Variants in EYS observed in about 807,000 individuals in gnomAD.
EYS encodes the protein protein eyes shut homolog.
EYS carries 250 observed loss-of-function variants against 282.1 expected under a neutral mutation model. That is an observed-to-expected ratio of 0.89 (90% CI 0.80 to 0.98). The LOEUF is 0.98. Among genes scored for constraint, EYS ranks in the 50% least tolerant of loss-of-function variants. The probability of loss-of-function intolerance (pLI) is 0.00; values close to 1 mark genes in which losing one functional copy is unlikely to be tolerated. For synonymous variants in EYS, 1,355 were observed against 1,282.9 expected (o/e 1.06, Z -1.20); for missense variants, 4,016 against 3,709.0 (o/e 1.08, Z -2.15).
chr6:64,071,493 AAT>A (rs1270796565), intron 32 of EYS, among the ~76,000 whole-genome samples: 4 of 149,686 alleles, frequency 2.7e-5, no homozygotes, highest in Non-Finnish European at 5.9e-5. Context: ...AACTTGTTAT[AAT>A]ATCTCACCAG....
intron 26 of EYS, among the ~76,000 whole-genome samples, chr6:64,479,993 T>C (rs1776387573): frequency 6.6e-6 from 1 of 151,894 alleles, no homozygotes; most frequent in African/African-American, 2.4e-5. Context: ...GCATTCAGAT[T>C]GGTGTGAAAA....
At position 63,863,663 on chromosome 6, in the gene EYS, C is replaced by CTTTTTTTT. The variant is rs1436358110; in HGVS notation, c.7228+522_7228+523insAAAAAAAA. ...TTTTTCTTTTCTTTTCTTTTCTTTT[C>CTTTTTTTT]TTTTCTTTTTTCTTTTTTTTTTTTT... is the stretch of plus-strand genomic sequence containing the variant. On this transcript the variant is annotated intron_variant, in intron 36 of 42. Coordinates refer to ENST00000503581, the MANE Select transcript of EYS (RefSeq NM_001142800.2). 9.0e-5 allele frequency among the ~76,000 whole-genome samples: 5 copies of CTTTTTTTT among 55,792 alleles called. 2 individuals are homozygous for CTTTTTTTT. Among genetic ancestry groups the CTTTTTTTT allele is most frequent in the Non-Finnish European group, 3.8e-5 (1 of 26,222 alleles). 36.6% of individuals were successfully genotyped at this position (55,792 alleles called of 152,430 possible).
intron 12 of EYS, among the ~76,000 whole-genome samples, chr6:65,268,041 A>G (rs950764601): frequency 1.3e-5 from 2 of 151,996 alleles, no homozygotes; most frequent in Admixed American, 1.3e-4. Context: ...TTGCTAATGT[A>G]ATAGGCAATT....
At chr6:65,173,848 T>C (rs749255275) in intron 12 of EYS, among the ~76,000 whole-genome samples, 1 of 151,298 alleles carries the variant, frequency 6.6e-6, no homozygotes, top group Non-Finnish European at 1.5e-5. Context: ...TGAAATTTAG[T>C]TGCATAGTAA....
At chr6:64,477,727 T>C (rs1280389842) in intron 26 of EYS, among the ~76,000 whole-genome samples, 1 of 152,100 alleles carries the variant, frequency 6.6e-6, no homozygotes, top group Non-Finnish European at 1.5e-5. Flanking sequence ...TAGGGGCCAA[T>C]GAGCCAGCTG....
chr6:65,399,847 A>G (rs564517502), intron 7 of EYS, among the ~76,000 whole-genome samples: 7 of 152,102 alleles, frequency 4.6e-5, no homozygotes, highest in Non-Finnish European at 7.4e-5. Context: ...TCTCCTTTTA[A>G]TCCTTTCAGC....
intron 22 of EYS, among the ~76,000 whole-genome samples, chr6:64,804,923 ACTT>A (rs1339851013): frequency 6.6e-6 from 1 of 152,028 alleles, no homozygotes; most frequent in Non-Finnish European, 1.5e-5. Context: ...ATTTATAAGA[ACTT>A]CTGAAGGAAA....
chr6:65,488,491 G>T lies in EYS; in HGVS notation c.862+2103C>A, dbSNP rs533843899. 2.0e-5 allele frequency among the ~76,000 whole-genome samples: 3 copies of T among 152,164 alleles called. No individual in the cohort carries two copies. In the East Asian group the frequency reaches 5.8e-4, roughly 29 times the overall value. ...GAAATAAGAGAGGACACAAACAAAT[G>T]GAAAAACATTCCATGTTCATGGATA... On this transcript the variant is annotated intron_variant, in intron 5 of 42. Coordinates refer to ENST00000503581, the MANE Select transcript of EYS (RefSeq NM_001142800.2).
chr6:64,068,053 T>C lies in EYS; in HGVS notation c.6572-1562A>G, dbSNP rs567432739. On this transcript the variant is annotated intron_variant, in intron 32 of 42. Coordinates refer to ENST00000503581, the MANE Select transcript of EYS (RefSeq NM_001142800.2). ...GTCAGAAAGTATAAATATGATTAAC[T>C]TTAGTAGCTATTGCCAGTTTTCCAA... 5.9e-5 allele frequency among the ~76,000 whole-genome samples: 9 copies of C among 152,262 alleles called. No individual in the cohort carries two copies. In the East Asian group the frequency reaches 1.5e-3, roughly 26 times the overall value.
chr6:65,566,649 C>G (rs998310184), intron 2 of EYS, among the ~76,000 whole-genome samples: 7 of 152,036 alleles, frequency 4.6e-5, no homozygotes, highest in Admixed American at 1.3e-4. Flanking sequence ...AACAAACAAA[C>G]AAAAACCTCT....
chr6:65,652,425 G>C (rs749317262), intron 1 of EYS, among the ~76,000 whole-genome samples: 61 of 151,910 alleles, frequency 4.0e-4, no homozygotes, highest in Non-Finnish European at 1.3e-4. Context: ...GAGACAGGAA[G>C]AGAAAGAAAA....
intron 12 of EYS, among the ~76,000 whole-genome samples, chr6:65,064,459 T>C (rs991148674): frequency 6.8e-6 from 1 of 146,310 alleles, no homozygotes; most frequent in Admixed American, 7.0e-5. Context: ...CTGTATATGA[T>C]ATGATATATA....
intron 14 of EYS, among the ~76,000 whole-genome samples, chr6:64,992,391 C>A (rs938320607): frequency 2.0e-5 from 3 of 151,682 alleles, no homozygotes; most frequent in Admixed American, 6.6e-5. Flanking sequence ...GTTCTCTAAG[C>A]TTACAAGTTG....
chr6:65,462,851 C>T (rs1938169187), intron 5 of EYS, among the ~76,000 whole-genome samples: 1 of 152,008 alleles, frequency 6.6e-6, no homozygotes, highest in South Asian at 2.1e-4. Context: ...TTAACATGTA[C>T]ACATTTCATT....
intron 26 of EYS, among the ~76,000 whole-genome samples, chr6:64,512,446 C>T (rs551370573): frequency 1.8e-4 from 28 of 151,878 alleles, no homozygotes; most frequent in Middle Eastern, 3.4e-3. Flanking sequence ...ACAATGAAGA[C>T]GGTAATCATC....
intron 12 of EYS, among the ~76,000 whole-genome samples, chr6:65,259,926 G>C (rs768536459): frequency 6.6e-6 from 1 of 152,106 alleles, no homozygotes; most frequent in Non-Finnish European, 1.5e-5. Flanking sequence ...CATCTGTAAA[G>C]TGAAGTGGTT....
chr6:65,457,672 T>TA (rs202202204), intron 5 of EYS, among the ~76,000 whole-genome samples: 172 of 151,596 alleles, frequency 1.1e-3, no homozygotes, highest in Middle Eastern at 3.4e-3. Context: ...CTCTGACGAA[T>TA]AAAAAAAAAT....
At chr6:65,343,250 A>T (rs553535354) in intron 10 of EYS, among the ~76,000 whole-genome samples, 1 of 151,326 alleles carries the variant, frequency 6.6e-6, no homozygotes, top group Non-Finnish European at 1.5e-5. Flanking sequence ...AAATTGATAC[A>T]TTAATAAAGA....
At chr6:64,710,514 G>A (rs140584374) in intron 22 of EYS, among the ~76,000 whole-genome samples, 187 of 152,308 alleles carry the variant, frequency 1.2e-3, no homozygotes, top group African/African-American at 4.4e-3. Context: ...ACCTGGAATT[G>A]GGCCCTTGAG....
Sources: gnomAD v4.1 joint callset for allele counts (sites outside exome capture counted in the v4.1 genomes callset) on GRCh38, gnomAD v4.1.1 for gene constraint, MANE v1.5 for transcripts, NCBI Gene and HGNC (gene_info 2026-07-23, HGNC 2026-07-21) for gene names.